The following MALT1 variants were observed in gnomAD, a reference collection of about 807,000 sequenced individuals.
The protein encoded by MALT1 is MALT1 paracaspase.
A neutral mutation model predicts 85.5 loss-of-function variants in MALT1; 36 were observed. That is an observed-to-expected ratio of 0.42 (90% CI 0.32 to 0.56). The LOEUF is 0.56. Among genes scored for constraint, MALT1 ranks in the 20% least tolerant of loss-of-function variants. The pLI is 0.10. For synonymous variants in MALT1, 359 were observed against 361.3 expected, an observed-to-expected ratio of 0.99 and a Z score of 0.07; for missense variants, 716 against 981.6, an observed-to-expected ratio of 0.73 and a Z score of 3.62.
Position 58,696,363 on chromosome 18 carries a change from T to TTTTTTGA in MALT1, c.377-3_377-2insTTTTTGA. 1 of 1,373,292 alleles carries TTTTTTGA rather than the reference T, an allele frequency of 7.3e-7. No homozygotes were observed. The highest frequency in any genetic ancestry group is 9.5e-7 in the Non-Finnish European group (1 of 1,050,648). 85.1% of individuals were successfully genotyped at this position (1,373,292 alleles called of 1,614,324 possible). ...TTTTTTTTTTTTTTTTTTTTTTTTT[T>TTTTTTGA]AGGAATAAAGATTACTGTAAACCCA... On this transcript the variant is annotated splice_polypyrimidine_tract_variant and splice_region_variant and intron_variant, in intron 2 of 16. Transcript: ENST00000649217.
rs561882558 is a variant in MALT1 at position 58,749,845 on chromosome 18, A to G, written c.*2003A>G. The G allele has an allele frequency of 3.0e-4, 62 of 209,874 alleles. 1 individual carries two copies. In the Middle Eastern group the frequency reaches 9.4e-3, roughly 32 times the overall value. The allele number at this position is 209,874 out of a possible 1,614,324, so 13.0% of individuals were successfully genotyped here. Reference sequence around the variant, plus strand: ...CATCTATGAAAAGCCCACACCTAACATTATACTTCATGGTGATAGACTGAA... The same window carrying G: ...CATCTATGAAAAGCCCACACCTAACGTTATACTTCATGGTGATAGACTGAA... On this transcript the variant is annotated 3_prime_UTR_variant, in exon 17 of 17. Transcript: ENST00000649217.
chr18:58,692,681 C>G (rs1209772538), intron 2 of MALT1, among the ~76,000 whole-genome samples: 1 of 152,186 alleles, frequency 6.6e-6, no homozygotes, highest in Non-Finnish European at 1.5e-5. Context: ...TCACATGTCT[C>G]TCACTTTAAA....
intron 1 of MALT1, chr18:58,672,646 A>G (rs2054181872): frequency 6.6e-6 from 1 of 152,252 alleles, no homozygotes; most frequent in Non-Finnish European, 1.5e-5. Flanking sequence ...TTTAAAAAGA[A>G]TAACCCATTA....
chr18:58,736,009 C>T (rs62093469), intron 13 of MALT1, among the ~76,000 whole-genome samples: 15,511 of 152,038 alleles, frequency 0.1, 1,044 homozygotes, highest in Admixed American at 0.16. Flanking sequence ...GTAACTTGGC[C>T]AGGTATGGTG....
rs1433141861 is a variant in MALT1 at position 58,754,410 on chromosome 18, C to T, written c.*6568C>T. The T allele has an allele frequency of 6.6e-6, 1 of 152,240 alleles. No individual in the cohort carries two copies. Among genetic ancestry groups the T allele is most frequent in the Non-Finnish European group, 1.5e-5 (1 of 68,044 alleles). The allele number at this position is 152,240 out of a possible 1,614,324, so 9.4% of individuals were successfully genotyped here. ...TAATGTTGCTACATTATGCTCAATA[C>T]AGCAGGCTGTTCTGCTAGGGAAATT... On this transcript the variant is annotated 3_prime_UTR_variant, in exon 17 of 17. Coordinates refer to ENST00000649217, the MANE Select transcript of MALT1 (RefSeq NM_006785.4).
At chr18:58,727,616 G>GTTTTTTTTTTT (rs751434443) in intron 10 of MALT1, among the ~76,000 whole-genome samples, 1,478 of 120,710 alleles carry the variant, frequency 0.012, 98 homozygotes, top group African/African-American at 0.026. Context: ...GGTTTTTTGT[G>GTTTTTTTTTTT]TTTTTTTTTT....
chr18:58,706,690 G>C (rs1182874252), intron 4 of MALT1, among the ~76,000 whole-genome samples: 1 of 152,220 alleles, frequency 6.6e-6, no homozygotes, highest in African/African-American at 2.4e-5. Flanking sequence ...TTTGAATTCT[G>C]TTAATCTGTT....
At chr18:58,738,147 C>T (rs2055251255) in intron 13 of MALT1, among the ~76,000 whole-genome samples, 1 of 152,146 alleles carries the variant, frequency 6.6e-6, no homozygotes, top group Non-Finnish European at 1.5e-5. Flanking sequence ...CCATTCTAAA[C>T]TTATTCCTTT....
At chr18:58,736,167 T>A (rs1452959082) in intron 13 of MALT1, among the ~76,000 whole-genome samples, 2 of 152,108 alleles carry the variant, frequency 1.3e-5, no homozygotes, top group Non-Finnish European at 2.9e-5. Context: ...TTTTACAAAC[T>A]AGCACCACTA....
rs147927935 is a variant in MALT1 at position 58,706,620 on chromosome 18, T to C, written c.650-2758T>C. On this transcript the variant is annotated intron_variant, in intron 4 of 16. Transcript: ENST00000649217. ...CTTCTTATGGTTACAGTCTGCTGTT[T>C]TTCTGTAATAATTTGTAAAAATTAT... Among the ~76,000 whole-genome samples the C allele has an allele frequency of 6.6e-5, 10 of 152,376 alleles. No individual in the cohort carries two copies. In the East Asian group the frequency reaches 1.9e-3, roughly 29 times the overall value.
At chr18:58,681,646 T>C (rs546653421) in intron 2 of MALT1, among the ~76,000 whole-genome samples, 4 of 152,166 alleles carry the variant, frequency 2.6e-5, no homozygotes, top group Non-Finnish European at 5.9e-5. Context: ...TAAAAGGAGA[T>C]GCATTTTAAA....
chr18:58,740,251 CA>C (rs1225810622), intron 13 of MALT1, among the ~76,000 whole-genome samples: 3 of 152,018 alleles, frequency 2.0e-5, no homozygotes, highest in Non-Finnish European at 4.4e-5. Flanking sequence ...CAGCTTTTGC[CA>C]ATTGTGCTAT....
At chr18:58,713,352 A>G (rs1048644713) in intron 7 of MALT1, among the ~76,000 whole-genome samples, 4 of 152,120 alleles carry the variant, frequency 2.6e-5, no homozygotes, top group African/African-American at 9.7e-5. Context: ...TGAAACCACT[A>G]TTTCTCCCAA....
At chr18:58,676,387 TGTTTTTCCATCTCAGAGTAA>T (rs1161035630) in intron 1 of MALT1, among the ~76,000 whole-genome samples, 2 of 151,060 alleles carry the variant, frequency 1.3e-5, no homozygotes, top group Non-Finnish European at 2.9e-5. Flanking sequence ...ACTCTCCTAT[TGTTTTTCCATCTCAGAGTAA>T]AAACACCATT....
intron 9 of MALT1, among the ~76,000 whole-genome samples, chr18:58,722,798 A>G (rs781330795): frequency 1.3e-5 from 2 of 152,228 alleles, no homozygotes; most frequent in Non-Finnish European, 2.9e-5. Context: ...ACAGCTAATA[A>G]ATATCCTTTG....
chr18:58,705,229 G>A (rs921309819), intron 4 of MALT1, among the ~76,000 whole-genome samples: 9 of 151,054 alleles, frequency 6.0e-5, no homozygotes, highest in African/African-American at 2.2e-4. Context: ...GCCCCCCATT[G>A]TATATTTGTT....
At chr18:58,745,900 C>A in intron 16 of MALT1, 109 bp downstream of exon 16, 2 of 1,004,418 alleles carry the variant, frequency 2.0e-6, no homozygotes, top group Non-Finnish European at 1.5e-6. Context: ...TAGAGATAAC[C>A]AGTCTACAGA....
Position 58,734,265 on chromosome 18 carries a change from T to G in MALT1, c.1401-42T>G, listed in dbSNP as rs190226745. On this transcript the variant is annotated intron_variant, in intron 11 of 16. Transcript: ENST00000649217. ...TACCCTTTTAAGAATGCTCTTTAAC[T>G]TTTCATATTTCTATCTGCCCTCCTC... 47 of 1,395,048 alleles carry G rather than the reference T, an allele frequency of 3.4e-5. 1 individual carries two copies. In the Admixed American group the frequency reaches 6.7e-4, roughly 20 times the overall value. The allele number at this position is 1,395,048 out of a possible 1,614,324, so 86.4% of individuals were successfully genotyped here.
At position 58,709,377 on chromosome 18, in the gene MALT1, G is replaced by T; in HGVS notation, c.650-1G>T. On this transcript the variant is annotated splice_acceptor_variant, in intron 4 of 16. Coordinates refer to ENST00000649217, the MANE Select transcript of MALT1 (RefSeq NM_006785.4). LOFTEE classifies it high-confidence loss of function. ...GATTTTATTTTTTCTTTTAATTTAA[G>T]GAAGTGTTGATGGCGTCTCTGAATC... The T allele has an allele frequency of 6.5e-7, 1 of 1,536,462 alleles. No homozygotes were observed. The highest frequency in any genetic ancestry group is 8.7e-7 in the Non-Finnish European group (1 of 1,142,894).
Sources: allele counts gnomAD v4.1 joint callset (sites outside exome capture counted in the v4.1 genomes callset), GRCh38; gene constraint gnomAD v4.1.1; transcripts MANE v1.5; gene names NCBI Gene and HGNC (gene_info 2026-07-23, HGNC 2026-07-21).